Variants in BCAS3 observed in about 807,000 individuals in gnomAD.
The protein encoded by BCAS3 is BCAS4/BCAS3 fusion.
Under a neutral mutation model 116.1 loss-of-function variants are expected in BCAS3, and 53 were observed. The observed-to-expected ratio is 0.46, with a 90% CI of 0.37 to 0.57. The LOEUF (loss-of-function observed/expected upper bound fraction) is 0.57. Among genes scored for constraint, BCAS3 ranks in the 20% least tolerant of loss-of-function variants. BCAS3 has a pLI of 0.00. For missense variants in BCAS3, 917 were observed against 1,165.4 expected (o/e 0.79, Z 3.10); for synonymous variants, 391 against 408.2 (o/e 0.96, Z 0.51).
At chr17:61,221,687 A>G (rs2082120055) in intron 22 of BCAS3, among the ~76,000 whole-genome samples, 1 of 152,176 alleles carries the variant, frequency 6.6e-6, no homozygotes, top group Non-Finnish European at 1.5e-5. Flanking sequence ...AAGATCCTAA[A>G]AAAAGGCTTA....
rs1300315827 is a variant in BCAS3 at position 60,749,963 on chromosome 17, C to T, written c.403+2684C>T. On this transcript the variant is annotated intron_variant, in intron 6 of 23. Transcript: ENST00000407086. The stretch of plus-strand genomic sequence containing the variant: ...CAGGTGGATCATGAGGTCAGGAGTT[C>T]GAGACCAGAGTGGCCAACATAGTGA... Among the ~76,000 whole-genome samples the T allele has an allele frequency of 3.9e-5, 6 of 152,022 alleles. No homozygotes were observed. In the East Asian group the frequency reaches 9.6e-4, roughly 24 times the overall value.
At position 61,130,378 on chromosome 17, in the gene BCAS3, C is replaced by T. The variant is rs1291453193; in HGVS notation, c.2425+45814C>T. Among the ~76,000 whole-genome samples, 4 of 152,154 alleles carry T rather than the reference C, an allele frequency of 2.6e-5. No individual in the cohort carries two copies. The highest frequency in any genetic ancestry group is 9.7e-5 in the African/African-American group (4 of 41,442). On this transcript the variant is annotated intron_variant, in intron 22 of 23. Coordinates refer to ENST00000407086, the MANE Select transcript of BCAS3 (RefSeq NM_017679.5). This position sits in a 1 kb window ranked among gnomAD's most constrained non-coding sequence, Gnocchi z 5.0. The stretch of plus-strand genomic sequence containing the variant: ...TTAATTCTCGTATCCAAAAGAACCA[C>T]AATACAACCCAAGACCCCAATCATT...
At position 61,115,864 on chromosome 17, in the gene BCAS3, G is replaced by A. The variant is rs376852188; in HGVS notation, c.2425+31300G>A. ...CCCAAATGTCCAACAATGATAGACC[G>A]GATTAAGAAAATGTGGCACATATAC... On this transcript the variant is annotated intron_variant, in intron 22 of 23. Transcript: ENST00000407086. Among the ~76,000 whole-genome samples, 353 of 151,690 alleles carry A rather than the reference G, an allele frequency of 2.3e-3. 8 individuals carry two copies. The highest frequency in any genetic ancestry group is 0.021 in the South Asian group (98 of 4,770).
At chr17:61,372,648 C>T (rs1010153793) in intron 23 of BCAS3, among the ~76,000 whole-genome samples, 1 of 152,272 alleles carries the variant, frequency 6.6e-6, no homozygotes, top group Non-Finnish European at 1.5e-5. Flanking sequence ...TGGGCCAGCT[C>T]CAGCCAAGCT....
At position 61,388,652 on chromosome 17, in the gene BCAS3, G is replaced by A. The variant is rs988819297; in HGVS notation, c.2594-3325G>A. The A allele has an allele frequency of 6.5e-7, 1 of 1,543,942 alleles. No individual in the cohort carries two copies. The highest frequency in any genetic ancestry group is 8.7e-7 in the Non-Finnish European group (1 of 1,152,054). On this transcript the variant is annotated intron_variant, in intron 23 of 23. Transcript: ENST00000407086. The surrounding 1 kb of genome is among the most constrained non-coding windows in gnomAD (Gnocchi z 6.5). ...AAGGAAAAAAAAAACAATGCCAACA[G>A]CCCAGCGTCCGTGAGCAACCCAACA... is the stretch of plus-strand genomic sequence containing the variant.
intron 3 of BCAS3, among the ~76,000 whole-genome samples, chr17:60,688,517 A>G (rs1250920601): frequency 6.6e-6 from 1 of 151,832 alleles, no homozygotes; most frequent in African/African-American, 2.4e-5. Context: ...GGTGTTTTTT[A>G]AAAAAGGTAT....
At position 61,376,959 on chromosome 17, in the gene BCAS3, A is replaced by G. The variant is rs557310702; in HGVS notation, c.2593+8465A>G. Among the ~76,000 whole-genome samples the G allele has an allele frequency of 2.9e-4, 44 of 152,274 alleles. No homozygotes were observed. Among genetic ancestry groups the G allele is most frequent in the African/African-American group, 7.2e-4 (30 of 41,546 alleles). On this transcript the variant is annotated intron_variant, in intron 23 of 23. Coordinates refer to ENST00000407086, the MANE Select transcript of BCAS3 (RefSeq NM_017679.5). This position sits in a 1 kb window ranked among gnomAD's most constrained non-coding sequence, Gnocchi z 4.5. ...TCGGTATCTGCCAGTTTCTTCCCCA[A>G]TAGGCTGGAGAAAAATAAGAGAGAC... is the stretch of plus-strand genomic sequence containing the variant.
chr17:61,236,427 G>C (rs1602094571), intron 22 of BCAS3, among the ~76,000 whole-genome samples: 2 of 152,098 alleles, frequency 1.3e-5, no homozygotes, highest in Non-Finnish European at 1.5e-5. Flanking sequence ...TCAACCAATT[G>C]TCCTGCCTCA....
intron 23 of BCAS3, among the ~76,000 whole-genome samples, chr17:61,369,436 C>T (rs1359661061): frequency 2.0e-5 from 3 of 152,196 alleles, no homozygotes; most frequent in African/African-American, 7.2e-5. Context: ...GAGAAACTTA[C>T]AACAATGGGG....
intron 22 of BCAS3, among the ~76,000 whole-genome samples, chr17:61,108,534 T>G (rs1202344202): frequency 6.6e-6 from 1 of 152,100 alleles, no homozygotes; most frequent in Non-Finnish European, 1.5e-5. Context: ...GATTTGGTTT[T>G]TCTTTTTTGC....
chr17:60,742,843 G>A (rs2041698483), intron 5 of BCAS3, among the ~76,000 whole-genome samples: 1 of 151,990 alleles, frequency 6.6e-6, no homozygotes, highest in African/African-American at 2.4e-5. Context: ...GCCAGGCACG[G>A]TGGCTCACGC....
chr17:61,012,937 A>T lies in BCAS3; in HGVS notation c.1487-2814A>T, dbSNP rs2065209180. ...ACCTAAGTTCCTACTCCTCTGGCTC[A>T]ATTGAGAGGTCCTCCTAAAACTGAA... is the stretch of plus-strand genomic sequence containing the variant. On this transcript the variant is annotated intron_variant, in intron 15 of 23. Transcript: ENST00000407086. The surrounding 1 kb of genome is among the most constrained non-coding windows in gnomAD (Gnocchi z 4.5). Among the ~76,000 whole-genome samples the T allele has an allele frequency of 6.6e-6, 1 of 152,064 alleles. No individual in the cohort carries two copies. The highest frequency in any genetic ancestry group is 2.4e-5 in the African/African-American group (1 of 41,420).
At chr17:61,001,405 A>T (rs570902103) in intron 15 of BCAS3, among the ~76,000 whole-genome samples, 9 of 152,306 alleles carry the variant, frequency 5.9e-5, no homozygotes, top group African/African-American at 2.2e-4. Flanking sequence ...TACAGACCAC[A>T]TCACAATTGT....
At chr17:60,727,850 C>A (rs1002478043) in intron 5 of BCAS3, among the ~76,000 whole-genome samples, 1 of 150,926 alleles carries the variant, frequency 6.6e-6, no homozygotes, top group Non-Finnish European at 1.5e-5. Context: ...CTCTGTTGGC[C>A]ATGCTGGAGT....
rs73993714 is a variant in BCAS3, at chr17:61,187,367, G to A, written c.2425+102803G>A. 8.9e-4 allele frequency among the ~76,000 whole-genome samples: 136 copies of A among 152,262 alleles called. 1 individual carries two copies. Among genetic ancestry groups the A allele is most frequent in the African/African-American group, 3.1e-3 (129 of 41,550 alleles). ...CTTTCTTATCATTCGTCTTTTAGTC[G>A]TGGACAAAGCCAGTAAAAGAGAGCA... On this transcript the variant is annotated intron_variant, in intron 22 of 23. Transcript: ENST00000407086.
intron 22 of BCAS3, among the ~76,000 whole-genome samples, chr17:61,138,561 G>T (rs1221885156): frequency 6.6e-6 from 1 of 152,162 alleles, no homozygotes; most frequent in Non-Finnish European, 1.5e-5. Flanking sequence ...ATTTTTTACT[G>T]ACTTGATTGT....
chr17:60,892,959 G>T (rs1159388148), intron 10 of BCAS3, among the ~76,000 whole-genome samples: 1 of 152,042 alleles, frequency 6.6e-6, no homozygotes, highest in Admixed American at 6.6e-5. Flanking sequence ...GTTTTCACTG[G>T]CATAAGATGG....
intron 6 of BCAS3, among the ~76,000 whole-genome samples, chr17:60,785,398 A>G (rs1169223219): frequency 1.3e-5 from 2 of 152,068 alleles, no homozygotes; most frequent in Non-Finnish European, 2.9e-5. Context: ...GCCTTAAGCA[A>G]TCCACCTACC....
Position 61,032,912 on chromosome 17 carries a change from A to G in BCAS3, c.1638-1754A>G, listed in dbSNP as rs1001779626. On this transcript the variant is annotated intron_variant, in intron 16 of 23. Transcript: ENST00000407086. The surrounding 1 kb of genome is among the most constrained non-coding windows in gnomAD (Gnocchi z 4.6). The stretch of plus-strand genomic sequence containing the variant: ...TCTTTCATATATAGTAATATGCATT[A>G]CCATGGATTTTGTTCAAAGTGGGGA... Among the ~76,000 whole-genome samples, 1 of 152,180 alleles carries G rather than the reference A, an allele frequency of 6.6e-6. No individual in the cohort carries two copies. The highest frequency in any genetic ancestry group is 1.5e-5 in the Non-Finnish European group (1 of 68,026).
Sources: allele counts gnomAD v4.1 joint callset (sites outside exome capture counted in the v4.1 genomes callset), GRCh38; gene constraint gnomAD v4.1.1; non-coding constraint Gnocchi (gnomAD v3.1); transcripts MANE v1.5; gene names NCBI Gene and HGNC (gene_info 2026-07-23, HGNC 2026-07-21).